The following DNAJC6 variants were observed in gnomAD, a reference collection of about 807,000 sequenced individuals.
The protein encoded by DNAJC6 is auxilin.
A neutral mutation model predicts 110.0 loss-of-function variants in DNAJC6; 34 were observed. That is an observed-to-expected ratio of 0.31 (90% CI 0.24 to 0.41). The LOEUF (loss-of-function observed/expected upper bound fraction) is 0.41, where lower values mean the gene tolerates loss of function less well. Among genes scored for constraint, DNAJC6 ranks in the 10% least tolerant of loss-of-function variants. The pLI is 1.00. For synonymous variants in DNAJC6, 406 were observed against 437.2 expected, an observed-to-expected ratio of 0.93 and a Z score of 0.89; for missense variants, 1,031 against 1,207.8, an observed-to-expected ratio of 0.85 and a Z score of 2.17.
Position 65,407,802 on chromosome 1 carries a change from A to G in DNAJC6, c.2492-839A>G, listed in dbSNP as rs573966074. On this transcript the variant is annotated intron_variant, in intron 16 of 18. Transcript: ENST00000371069. The stretch of plus-strand genomic sequence containing the variant: ...GAGCACTTACATTTCAGTGTGTGCA[A>G]AAACAGGTATGTGTATGTCTTACAG... 7.2e-5 allele frequency among the ~76,000 whole-genome samples: 11 copies of G among 152,354 alleles called. No individual in the cohort carries two copies. In the East Asian group the frequency reaches 2.1e-3, roughly 29 times the overall value.
At chr1:65,303,693 G>T (rs549107921) in intron 1 of DNAJC6, among the ~76,000 whole-genome samples, 164 of 152,238 alleles carry the variant, frequency 1.1e-3, no homozygotes, top group Middle Eastern at 3.4e-3. Flanking sequence ...TGAGTAGCTG[G>T]AGCTACAGGC....
intron 1 of DNAJC6, among the ~76,000 whole-genome samples, chr1:65,302,077 CGTATTATAT>C (rs1644984826): frequency 9.7e-6 from 1 of 103,118 alleles, no homozygotes. Flanking sequence ...ATATATAATA[CGTATTATAT>C]ATATTATATA....
At chr1:65,404,872 C>CCT (rs1646060572) in intron 15 of DNAJC6, among the ~76,000 whole-genome samples, 1 of 152,136 alleles carries the variant, frequency 6.6e-6, no homozygotes, top group Non-Finnish European at 1.5e-5. Flanking sequence ...CCTCTCTGAG[C>CCT]CTTAATTTCC....
chr1:65,389,554 T>C lies in DNAJC6; in HGVS notation c.1395T>C (p.Ala465=). Residue 465 remains alanine, a synonymous_variant, in exon 11 of 19, where the codon GCT becomes GCC. Transcript: ENST00000371069. The part of the protein sequence containing the change: ...HQDTLALGGQ[A]PIDIPPDNPR... The stretch of plus-strand genomic sequence containing the variant: ...GGTCTTTTTGTCTTGCAGGACAGGC[T>C]CCAATAGATATCCCTCCAGACAACC... The C allele has an allele frequency of 6.2e-7, 1 of 1,614,174 alleles. No homozygotes were observed. Among genetic ancestry groups the C allele is most frequent in the Non-Finnish European group, 8.5e-7 (1 of 1,180,018 alleles).
chr1:65,267,932 G>C (rs1653390155), intron 1 of DNAJC6, among the ~76,000 whole-genome samples: 1 of 151,918 alleles, frequency 6.6e-6, no homozygotes, highest in Non-Finnish European at 1.5e-5. Flanking sequence ...ATAGCAACCA[G>C]ACCGTGAGAG....
rs2101618114 is a variant in DNAJC6 at position 65,394,976 on chromosome 1, G to A, written c.1982G>A (p.Ser661Asn). ...CTGGGTTCTTTTCTGAACACATCCAGTGCTTCCAGTGACCCCTTTCTCCAG... is the reference window on the plus strand; with the variant it reads ...CTGGGTTCTTTTCTGAACACATCCAATGCTTCCAGTGACCCCTTTCTCCAG... ...DLLGSFLNTSSASSDPFLQPT... is the reference protein window; with the variant it reads ...DLLGSFLNTSNASSDPFLQPT... Residue 661 changes from serine (S) to asparagine (N), a missense_variant, in exon 13 of 19, where the codon AGT becomes AAT. Coordinates refer to ENST00000371069, the MANE Select transcript of DNAJC6 (RefSeq NM_001256864.2). 1.2e-6 allele frequency: 2 copies of A among 1,612,704 alleles called. No individual in the cohort carries two copies. Among genetic ancestry groups the A allele is most frequent in the Non-Finnish European group, 1.7e-6 (2 of 1,179,528 alleles).
intron 11 of DNAJC6, among the ~76,000 whole-genome samples, chr1:65,390,031 A>G (rs1645911460): frequency 6.7e-6 from 1 of 150,118 alleles, no homozygotes; most frequent in African/African-American, 2.5e-5. Context: ...TTTTTAAAAG[A>G]CATCATTCAA....
At chr1:65,391,870 C>T (rs998707147) in intron 11 of DNAJC6, among the ~76,000 whole-genome samples, 30 of 152,122 alleles carry the variant, frequency 2.0e-4, no homozygotes, top group African/African-American at 4.8e-4. Context: ...CTCTACCTCC[C>T]GGGTTCAAGC....
intron 1 of DNAJC6, among the ~76,000 whole-genome samples, chr1:65,285,889 T>A (rs1325962996): frequency 6.6e-6 from 1 of 152,130 alleles, no homozygotes; most frequent in Non-Finnish European, 1.5e-5. Context: ...TAGGCTGGTC[T>A]TCAACTCCTG....
chr1:65,375,426 C>CTT (rs34114134), intron 4 of DNAJC6, among the ~76,000 whole-genome samples: 6 of 137,140 alleles, frequency 4.4e-5, no homozygotes, highest in African/African-American at 5.6e-5. Context: ...TGAAGTAAAA[C>CTT]TTTTTTTTTT....
intron 13 of DNAJC6, among the ~76,000 whole-genome samples, chr1:65,396,272 G>A (rs1570370791): frequency 1.3e-5 from 2 of 152,266 alleles, no homozygotes; most frequent in South Asian, 4.1e-4. Context: ...AAAAGATGCA[G>A]GAATGTAGAG....
At chr1:65,291,734 A>G (rs1368261375) in intron 1 of DNAJC6, among the ~76,000 whole-genome samples, 5 of 152,188 alleles carry the variant, frequency 3.3e-5, no homozygotes, top group Non-Finnish European at 5.9e-5. Flanking sequence ...AATATCACCT[A>G]TCATTCATAA....
chr1:65,346,437 G>C (rs1355288549), intron 1 of DNAJC6, among the ~76,000 whole-genome samples: 1 of 151,912 alleles, frequency 6.6e-6, no homozygotes, highest in Non-Finnish European at 1.5e-5. Context: ...AGAGAATTTG[G>C]TAAAAGTTCT....
At chr1:65,322,445 G>A (rs943913188) in intron 1 of DNAJC6, among the ~76,000 whole-genome samples, 6 of 152,056 alleles carry the variant, frequency 3.9e-5, no homozygotes, top group Admixed American at 2.0e-4. Context: ...ATAATGTGAT[G>A]TTTTATTTAA....
intron 4 of DNAJC6, among the ~76,000 whole-genome samples, chr1:65,370,690 T>C (rs1401876908): frequency 6.6e-6 from 1 of 152,200 alleles, no homozygotes; most frequent in African/African-American, 2.4e-5. Context: ...GCAGCCCAGC[T>C]GGTTGTTTTA....
At chr1:65,305,902 A>G (rs1238137578), upstream of DNAJC6, among the ~76,000 whole-genome samples, 1 of 152,134 alleles carries the variant, frequency 6.6e-6, no homozygotes, top group African/African-American at 2.4e-5. Flanking sequence ...GCATATGTTA[A>G]GCACTTATTA....
intron 1 of DNAJC6, among the ~76,000 whole-genome samples, chr1:65,290,931 G>A (rs1244453556): frequency 6.6e-6 from 1 of 152,134 alleles, no homozygotes; most frequent in Admixed American, 6.5e-5. Context: ...AAATTAAGAG[G>A]TGAAGTAAAA....
chr1:65,324,250 C>G (rs889945245), intron 1 of DNAJC6, among the ~76,000 whole-genome samples: 2 of 152,136 alleles, frequency 1.3e-5, no homozygotes, highest in Admixed American at 6.5e-5. Flanking sequence ...GATCTCAACT[C>G]ACTGCAGCCT....
At chr1:65,377,489 A>G (rs1227553146) in intron 4 of DNAJC6, among the ~76,000 whole-genome samples, 1 of 152,238 alleles carries the variant, frequency 6.6e-6, no homozygotes, top group African/African-American at 2.4e-5. Context: ...ACAGAGGCCA[A>G]TGCTAGATCA....
Sources: allele counts gnomAD v4.1 joint callset (sites outside exome capture counted in the v4.1 genomes callset), GRCh38; gene constraint gnomAD v4.1.1; transcripts MANE v1.5; gene names NCBI Gene and HGNC (gene_info 2026-07-23, HGNC 2026-07-21).